The following CMC2 variants were observed in gnomAD, a reference collection of about 807,000 sequenced individuals.
The protein encoded by CMC2 is COX assembly mitochondrial protein 2 homolog.
Under a neutral mutation model 7.5 loss-of-function variants are expected in CMC2, and 5 were observed. That is an observed-to-expected ratio of 0.66 (90% CI 0.35 to 1.40). The LOEUF (loss-of-function observed/expected upper bound fraction) is 1.40, where lower values mean the gene tolerates loss of function less well. Among genes scored for constraint, CMC2 ranks in the 40% most tolerant of loss-of-function variants. The pLI is 0.04. For missense variants in CMC2, 115 were observed against 92.3 expected (o/e 1.25, Z -1.01); for synonymous variants, 37 against 31.4 (o/e 1.18, Z -0.60).
At chr16:80,993,420 G>A (rs536754973) in intron 2 of CMC2, among the ~76,000 whole-genome samples, 44 of 152,146 alleles carry the variant, frequency 2.9e-4, no homozygotes, top group Non-Finnish European at 5.9e-4. Flanking sequence ...TGGGGCAGCC[G>A]GAATTTGTGA....
In CMC2 at chr16:80,975,161, C is replaced by G. The variant is rs547617125; in HGVS notation, c.*932G>C. 1.3e-5 allele frequency: 2 copies of G among 152,240 alleles called. No individual in the cohort carries two copies. The highest frequency in any genetic ancestry group is 2.4e-5 in the African/African-American group (1 of 41,444). 9.4% of individuals were successfully genotyped at this position (152,240 alleles called of 1,614,324 possible). A position where few individuals can be genotyped will look rare whatever the true frequency, so the allele number is the denominator to read the frequency against. ...CTGCTAGAATTGGGCACGGGAAGAA[C>G]AGTCCTATACTCAGCAGAGAGGAGA... On this transcript the variant is annotated 3_prime_UTR_variant, in exon 4 of 4. Coordinates refer to ENST00000219400, the MANE Select transcript of CMC2 (RefSeq NM_020188.5).
chr16:80,987,406 T>A (rs577541813), intron 2 of CMC2, among the ~76,000 whole-genome samples: 1 of 152,236 alleles, frequency 6.6e-6, no homozygotes, highest in Non-Finnish European at 1.5e-5. Context: ...TGCTTTATAC[T>A]TTCCTACTTT....
intron 3 of CMC2, chr16:80,980,635 G>C (rs1967039409): frequency 2.2e-6 from 1 of 451,448 alleles, no homozygotes; most frequent in African/African-American, 2.0e-5. Context: ...CATGTCTGTA[G>C]TCCCAGCACT....
At chr16:80,978,566 C>G (rs1364572744) in intron 3 of CMC2, among the ~76,000 whole-genome samples, 1 of 152,002 alleles carries the variant, frequency 6.6e-6, no homozygotes, top group Non-Finnish European at 1.5e-5. Context: ...ATTAGTGTTT[C>G]TTTTCAAGAA....
rs1435801966 is a variant in CMC2, at chr16:80,975,212, G to C, written c.*881C>G. 1 of 152,262 alleles carries C rather than the reference G, an allele frequency of 6.6e-6. No individual in the cohort carries two copies. The highest frequency in any genetic ancestry group is 2.4e-5 in the African/African-American group (1 of 41,470). 9.4% of individuals were successfully genotyped at this position (152,262 alleles called of 1,614,324 possible). Reference sequence around the variant, plus strand: ...CACACTGGCCTAAGGTTAATGTCCAGGAGTTAACTGGCACCTCGAGTGGAC... The same window carrying C: ...CACACTGGCCTAAGGTTAATGTCCACGAGTTAACTGGCACCTCGAGTGGAC... On this transcript the variant is annotated 3_prime_UTR_variant, in exon 4 of 4. Transcript: ENST00000219400.
chr16:80,995,226 T>C (rs547072708), intron 2 of CMC2, among the ~76,000 whole-genome samples: 1 of 148,872 alleles, frequency 6.7e-6, no homozygotes, highest in South Asian at 2.2e-4. Flanking sequence ...TTTGCCTAAA[T>C]GTCCATTAAT....
intron 1 of CMC2, among the ~76,000 whole-genome samples, chr16:81,002,053 C>T (rs999556539): frequency 2.0e-5 from 3 of 152,310 alleles, no homozygotes; most frequent in Non-Finnish European, 2.9e-5. Context: ...TATCCAATAT[C>T]GTACCAATAT....
At chr16:80,980,289 T>C (rs1015740579) in intron 3 of CMC2, among the ~76,000 whole-genome samples, 7 of 147,558 alleles carry the variant, frequency 4.7e-5, no homozygotes, top group Admixed American at 4.1e-4. Flanking sequence ...CAAACATTTT[T>C]AGTAAATAAT....
intron 1 of CMC2, chr16:80,998,298 T>C (rs1474863534): frequency 1.3e-5 from 2 of 152,058 alleles, no homozygotes; most frequent in African/African-American, 4.8e-5. Flanking sequence ...CTTTAATTTT[T>C]TTTAAAGTTC....
Position 80,974,496 on chromosome 16 carries a change from C to A in CMC2, c.*1597G>T, listed in dbSNP as rs1040777430. 6.6e-6 allele frequency: 1 copy of A among 150,876 alleles called. No homozygotes were observed. The highest frequency in any genetic ancestry group is 1.5e-5 in the Non-Finnish European group (1 of 68,032). The allele number at this position is 150,876 out of a possible 1,614,324, so 9.3% of individuals were successfully genotyped here. ...AGATTTCAAAGCTGTCTATGATCTT[C>A]CTCCACTCTAAGCTCCCATATTCTA... On this transcript the variant is annotated 3_prime_UTR_variant, in exon 4 of 4. Transcript: ENST00000219400.
intron 2 of CMC2, among the ~76,000 whole-genome samples, chr16:80,984,725 A>G (rs955393765): frequency 4.6e-5 from 7 of 152,232 alleles, no homozygotes; most frequent in African/African-American, 1.7e-4. Context: ...ATGTGAGGCA[A>G]TATTACATAG....
In CMC2 at chr16:80,970,823, C is replaced by A. The variant is rs926700011; in HGVS notation, c.*5270G>T. 4.6e-5 allele frequency: 7 copies of A among 152,016 alleles called. No homozygotes were observed. Among genetic ancestry groups the A allele is most frequent in the Non-Finnish European group, 7.4e-5 (5 of 68,012 alleles). 9.4% of individuals were successfully genotyped at this position (152,016 alleles called of 1,614,324 possible). A position where few individuals can be genotyped will look rare whatever the true frequency, so the allele number is the denominator to read the frequency against. The stretch of plus-strand genomic sequence containing the variant: ...GATGCAGGGGCTCATGCCTATAATC[C>A]CTGCTTTATAAAAAAATTTTAAGAG... On this transcript the variant is annotated 3_prime_UTR_variant, in exon 4 of 4. Coordinates refer to ENST00000219400, the MANE Select transcript of CMC2 (RefSeq NM_020188.5).
chr16:80,976,309 C>T, intron 3 of CMC2, 130 bp from the exon 4 acceptor site: 1 of 576,974 alleles, frequency 1.7e-6, no homozygotes, highest in South Asian at 2.2e-5. Context: ...ATTTTTTAAA[C>T]ATGTTCTTAC....
At chr16:80,981,074 T>C (rs541038212) in intron 3 of CMC2, among the ~76,000 whole-genome samples, 217 of 135,752 alleles carry the variant, frequency 1.6e-3, no homozygotes, top group African/African-American at 6.1e-3. Flanking sequence ...TCTTTCAATA[T>C]GAGGCAAAAA....
Position 80,971,897 on chromosome 16 carries a change from C to A in CMC2, c.*4196G>T, listed in dbSNP as rs1424611426. On this transcript the variant is annotated 3_prime_UTR_variant, in exon 4 of 4. Coordinates refer to ENST00000219400, the MANE Select transcript of CMC2 (RefSeq NM_020188.5). Reference sequence around the variant, plus strand: ...TCCTTTACAGGATTTGGGCAATCTTCCCTTTTGCTCACTTCAGACGTGGTA... The same window carrying A: ...TCCTTTACAGGATTTGGGCAATCTTACCTTTTGCTCACTTCAGACGTGGTA... 1 of 152,156 alleles carries A rather than the reference C, an allele frequency of 6.6e-6. No individual in the cohort carries two copies. The highest frequency in any genetic ancestry group is 2.4e-5 in the African/African-American group (1 of 41,424). 9.4% of individuals were successfully genotyped at this position (152,156 alleles called of 1,614,324 possible).
chr16:80,980,688 G>C, intron 3 of CMC2: 1 of 543,634 alleles, frequency 1.8e-6, no homozygotes, highest in Non-Finnish European at 3.3e-6. Flanking sequence ...TTAGCAGTTT[G>C]AGACCAGCCT....
chr16:80,989,466 C>A (rs1008324100), intron 2 of CMC2, among the ~76,000 whole-genome samples: 1 of 152,146 alleles, frequency 6.6e-6, no homozygotes, highest in African/African-American at 2.4e-5. Context: ...AGCCCCTGTC[C>A]TTTTAACAGT....
rs1555512300 is a variant in CMC2 at position 80,971,564 on chromosome 16, T to TATATATATATATATATA, written c.*4528_*4529insTATATATATATATATAT. 3.3e-3 allele frequency: 394 copies of TATATATATATATATATA among 121,200 alleles called. 10 individuals are homozygous for TATATATATATATATATA. The highest frequency in any genetic ancestry group is 0.014 in the African/African-American group (361 of 25,718). The allele number at this position is 121,200 out of a possible 1,614,324, so 7.5% of individuals were successfully genotyped here. ...CTATGGATACTGACATACATACATT[T>TATATATATATATATATA]TATATATATATATATATATATGTAT... On this transcript the variant is annotated 3_prime_UTR_variant, in exon 4 of 4. Transcript: ENST00000219400.
At position 80,975,149 on chromosome 16, in the gene CMC2, G is replaced by C. The variant is rs1912187301; in HGVS notation, c.*944C>G. 1 of 152,294 alleles carries C rather than the reference G, an allele frequency of 6.6e-6. No individual in the cohort carries two copies. The highest frequency in any genetic ancestry group is 1.5e-5 in the Non-Finnish European group (1 of 68,090). The allele number at this position is 152,294 out of a possible 1,614,324, so 9.4% of individuals were successfully genotyped here. A position where few individuals can be genotyped will look rare whatever the true frequency, so the allele number is the denominator to read the frequency against. ...CTGGTGAAATGACTGCTAGAATTGG[G>C]CACGGGAAGAACAGTCCTATACTCA... On this transcript the variant is annotated 3_prime_UTR_variant, in exon 4 of 4. Transcript: ENST00000219400.
Sources: allele counts gnomAD v4.1 joint callset (sites outside exome capture counted in the v4.1 genomes callset), GRCh38; gene constraint gnomAD v4.1.1; transcripts MANE v1.5; gene names NCBI Gene and HGNC (gene_info 2026-07-23, HGNC 2026-07-21).